Variants in WDR17 observed in about 807,000 individuals in gnomAD.
The protein encoded by WDR17 is WD repeat-containing protein 17.
Under a neutral mutation model 161.7 loss-of-function variants are expected in WDR17, and 143 were observed. The observed-to-expected ratio is 0.88, with a 90% CI of 0.77 to 1.02. The LOEUF is 1.02. Among genes scored for constraint, WDR17 ranks in the 50% least tolerant of loss-of-function variants. The probability of loss-of-function intolerance (pLI) is 0.00; values close to 1 mark genes in which losing one functional copy is unlikely to be tolerated. For missense variants in WDR17, 1,469 were observed against 1,520.9 expected (o/e 0.97, Z 0.57); for synonymous variants, 517 against 515.6 (o/e 1.00, Z -0.04).
At position 176,151,912 on chromosome 4, in the gene WDR17, A is replaced by C; in HGVS notation, c.2405A>C (p.His802Pro). The change falls in exon 17 of 29, where the codon CAC (histidine) becomes CCC (proline). Residue 802 changes from histidine (H) to proline (P), a missense_variant. Transcript: ENST00000508596. ...AGACTGAAGGAAGCTGCTGAAATCC[A>C]CTTGAGATTAGGACAAATTCAGAGA... ...EERLKEAAEI[H>P]LRLGQIQRYC... is the part of the protein sequence containing the mutation. 1 of 1,613,374 alleles carries C rather than the reference A, an allele frequency of 6.2e-7. No individual in the cohort carries two copies. Among genetic ancestry groups the C allele is most frequent in the Admixed American group, 1.7e-5 (1 of 59,900 alleles).
At chr4:176,120,601 G>T (rs1387245544) in intron 4 of WDR17, among the ~76,000 whole-genome samples, 21 of 151,912 alleles carry the variant, frequency 1.4e-4, no homozygotes, top group Admixed American at 1.4e-3. Context: ...TTAGTTAATT[G>T]ATTTGGCTGA....
At chr4:176,164,155 A>G (rs1749440413) in intron 22 of WDR17, among the ~76,000 whole-genome samples, 1 of 152,218 alleles carries the variant, frequency 6.6e-6, no homozygotes, top group African/African-American at 2.4e-5. Flanking sequence ...TGTGCCAAGC[A>G]CGATTTTAAG....
intron 19 of WDR17, 77 bp from the exon 20 acceptor site, chr4:176,160,834 G>T: frequency 1.7e-6 from 2 of 1,181,050 alleles, no homozygotes; most frequent in Admixed American, 2.5e-5. Context: ...AGTATACTTT[G>T]CTCAAAATCA....
intron 11 of WDR17, among the ~76,000 whole-genome samples, chr4:176,142,810 C>T (rs1745488700): frequency 1.3e-5 from 2 of 152,168 alleles, no homozygotes; most frequent in Admixed American, 6.5e-5. Flanking sequence ...AGTCAAATCA[C>T]ACGTTTTACA....
chr4:176,084,142 T>A (rs1030605580), intron 1 of WDR17, among the ~76,000 whole-genome samples: 1 of 152,110 alleles, frequency 6.6e-6, no homozygotes, highest in Non-Finnish European at 1.5e-5. Context: ...AGTGTTTTAG[T>A]CTGTTTTGTG....
chr4:176,070,087 T>G (rs973767166), intron 1 of WDR17, among the ~76,000 whole-genome samples: 2 of 152,242 alleles, frequency 1.3e-5, no homozygotes, highest in Admixed American at 1.3e-4. Context: ...ATAAAAATTA[T>G]GTTCTCAAAA....
At chr4:176,141,616 A>G (rs1274492079) in intron 10 of WDR17, among the ~76,000 whole-genome samples, 1 of 152,038 alleles carries the variant, frequency 6.6e-6, no homozygotes, top group East Asian at 1.9e-4. Context: ...ATTTTTTGGT[A>G]GAGATGGGGT....
intron 1 of WDR17, among the ~76,000 whole-genome samples, chr4:176,108,991 C>T (rs1244417046): frequency 2.0e-5 from 3 of 152,064 alleles, no homozygotes; most frequent in African/African-American, 4.8e-5. Flanking sequence ...GGTCTCCCTA[C>T]GTTGCCCAGA....
chr4:176,128,488 CTG>C (rs1290311345), intron 5 of WDR17, among the ~76,000 whole-genome samples: 4 of 152,044 alleles, frequency 2.6e-5, no homozygotes, highest in African/African-American at 4.8e-5. Context: ...TTGGAGGAAG[CTG>C]CCAAAACAGG....
intron 1 of WDR17, among the ~76,000 whole-genome samples, chr4:176,092,727 T>C (rs1462727879): frequency 6.6e-6 from 1 of 152,180 alleles, no homozygotes; most frequent in Non-Finnish European, 1.5e-5. Context: ...CATTTCTATA[T>C]GCCAACAGTG....
intron 1 of WDR17, among the ~76,000 whole-genome samples, chr4:176,098,668 A>C (rs1041385087): frequency 6.6e-6 from 1 of 151,984 alleles, no homozygotes. Flanking sequence ...TATCTTTTTT[A>C]GTCCTTTTGC....
intron 1 of WDR17, among the ~76,000 whole-genome samples, chr4:176,075,571 T>C (rs1470910815): frequency 2.0e-5 from 3 of 152,210 alleles, no homozygotes; most frequent in Admixed American, 2.0e-4. Flanking sequence ...TTTTGATTCA[T>C]TTTTAAAAAG....
intron 3 of WDR17, 79 bp downstream of exon 3, chr4:176,116,058 C>A: frequency 1.5e-6 from 2 of 1,366,776 alleles, no homozygotes; most frequent in Non-Finnish European, 2.0e-6. Context: ...ATTAGTTCAG[C>A]TTTTAAAATG....
chr4:176,125,759 C>G (rs1416762535), intron 5 of WDR17, among the ~76,000 whole-genome samples: 6 of 152,168 alleles, frequency 3.9e-5, no homozygotes, highest in Admixed American at 3.9e-4. Flanking sequence ...TTTTGTGTTG[C>G]TGTAACTGAA....
intron 2 of WDR17, among the ~76,000 whole-genome samples, chr4:176,113,378 T>C (rs1740089050): frequency 6.6e-6 from 1 of 152,110 alleles, no homozygotes; most frequent in African/African-American, 2.4e-5. Context: ...AATTTTGTGA[T>C]GACATTTTAT....
intron 1 of WDR17, among the ~76,000 whole-genome samples, chr4:176,095,516 C>A (rs928908130): frequency 3.9e-5 from 6 of 152,124 alleles, no homozygotes; most frequent in African/African-American, 1.4e-4. Flanking sequence ...ACTTGTGTAT[C>A]TTCCTATGCC....
chr4:176,081,936 A>G (rs1390673951), intron 1 of WDR17, among the ~76,000 whole-genome samples: 1 of 152,088 alleles, frequency 6.6e-6, no homozygotes, highest in Non-Finnish European at 1.5e-5. Flanking sequence ...CTGTACCAAA[A>G]GAATGTGGGA....
rs944385792 is a variant in WDR17 at position 176,109,650 on chromosome 4, C to T, written c.-6-1925C>T. Among the ~76,000 whole-genome samples, 5 of 152,032 alleles carry T rather than the reference C, an allele frequency of 3.3e-5. No homozygotes were observed. The South Asian group carries it at 6.2e-4, about 19-fold the overall frequency. Reference sequence around the variant, plus strand: ...AAAGATAAAATGAAGAACGTAGTTTCGTAAATAAATATGAGTTAGTGATCT... The same window carrying T: ...AAAGATAAAATGAAGAACGTAGTTTTGTAAATAAATATGAGTTAGTGATCT... On this transcript the variant is annotated intron_variant, in intron 1 of 28. Transcript: ENST00000508596.
intron 1 of WDR17, chr4:176,096,503 TA>T (rs1157342769): frequency 6.9e-6 from 11 of 1,597,032 alleles, no homozygotes; most frequent in Non-Finnish European, 7.7e-6. Context: ...TTGCCTTGAT[TA>T]AAGTAGAAAC....
Sources: gnomAD v4.1 joint callset for allele counts (sites outside exome capture counted in the v4.1 genomes callset) on GRCh38, gnomAD v4.1.1 for gene constraint, MANE v1.5 for transcripts, NCBI Gene and HGNC (gene_info 2026-07-23, HGNC 2026-07-21) for gene names.